ATXN2: variants seen among roughly 807,000 people sequenced by gnomAD.
The protein encoded by ATXN2 is ataxin-2.
Under a neutral mutation model 138.6 loss-of-function variants are expected in ATXN2, and 37 were observed. The ratio of observed to expected loss-of-function variants is 0.27; its 90% CI spans 0.21 to 0.35. ATXN2 has a LOEUF of 0.35. Ranked by LOEUF, ATXN2 falls within the 10% of genes least tolerant of loss-of-function variation. The probability of loss-of-function intolerance (pLI) is 1.00; values close to 1 mark genes in which losing one functional copy is unlikely to be tolerated. For synonymous variants in ATXN2, 549 were observed against 543.7 expected (o/e 1.01, Z -0.13); for missense variants, 1,216 against 1,480.3 (o/e 0.82, Z 2.93).
At chr12:111,581,621 G>A (rs1194805681) in intron 1 of ATXN2, 23 of 782,382 alleles carry the variant, frequency 2.9e-5, no homozygotes, top group Non-Finnish European at 4.2e-5. Flanking sequence ...GGCCTACTCC[G>A]TGAAGTCTAG....
At chr12:111,509,492 A>G (rs887811947) in intron 14 of ATXN2, 57 bp downstream of exon 14, 1 of 972,606 alleles carries the variant, frequency 1.0e-6, no homozygotes, top group Admixed American at 2.3e-5. Context: ...AAATAGATAA[A>G]TCTTTAGTAA....
At position 111,577,714 on chromosome 12, in the gene ATXN2, T is replaced by G. The variant is rs530362029; in HGVS notation, c.251+21070A>C. Among the ~76,000 whole-genome samples, 4 of 152,230 alleles carry G rather than the reference T, an allele frequency of 2.6e-5. No homozygotes were observed. The East Asian group carries it at 7.7e-4, about 29-fold the overall frequency. ...GGGAGGTCAAGGTGGGCAGATCACT[T>G]GAGGTCAGAGGTTAAAAGTCTTAAC... On this transcript the variant is annotated intron_variant, in intron 1 of 24. Coordinates refer to ENST00000673436, the MANE Select transcript of ATXN2 (RefSeq NM_001372574.1).
intron 12 of ATXN2, among the ~76,000 whole-genome samples, 188 bp from the exon 13 acceptor site, chr12:111,510,186 G>T (rs1342655931): frequency 3.3e-5 from 5 of 152,068 alleles, no homozygotes; most frequent in Non-Finnish European, 7.4e-5. Context: ...TGACACCCAG[G>T]AATGTTAACC....
At chr12:111,498,536 T>G (rs535813902) in intron 14 of ATXN2, among the ~76,000 whole-genome samples, 15 of 152,260 alleles carry the variant, frequency 9.9e-5, no homozygotes, top group Admixed American at 3.9e-4. Flanking sequence ...ATTTCTATAA[T>G]GACAACTTTA....
chr12:111,571,662 G>A (rs1320619118), intron 1 of ATXN2, among the ~76,000 whole-genome samples: 1 of 152,052 alleles, frequency 6.6e-6, no homozygotes, highest in Non-Finnish European at 1.5e-5. Flanking sequence ...TCTATTAGGG[G>A]TCAGCAAATG....
rs1446307939 is a variant in ATXN2 at position 111,464,329 on chromosome 12, G to GTGTGTT, written c.2896+327_2896+332dup. Among the ~76,000 whole-genome samples, 939 of 120,578 alleles carry GTGTGTT rather than the reference G, an allele frequency of 7.8e-3. 11 individuals are homozygous for GTGTGTT. The highest frequency in any genetic ancestry group is 0.056 in the African/African-American group (899 of 15,954). 79.1% of individuals were successfully genotyped at this position (120,578 alleles called of 152,430 possible). On this transcript the variant is annotated intron_variant, in intron 21 of 24. Coordinates refer to ENST00000673436, the MANE Select transcript of ATXN2 (RefSeq NM_001372574.1). Reference sequence around the variant, plus strand: ...TATACCAAGCTTGTGGCTTGGGTGTGTGTGTTTGTGTGTGTGTGTGTGTGT... The same window carrying GTGTGTT: ...TATACCAAGCTTGTGGCTTGGGTGTGTGTGTTTGTGTTTGTGTGTGTGTGTGTGTGT...
chr12:111,577,017 C>T (rs1264284892), intron 1 of ATXN2, among the ~76,000 whole-genome samples: 3 of 151,432 alleles, frequency 2.0e-5, no homozygotes, highest in African/African-American at 4.8e-5. Context: ...ACGTTGGCCA[C>T]GCTGGTCTCG....
chr12:111,455,607 C>T, intron 23 of ATXN2: 2 of 300,324 alleles, frequency 6.7e-6, no homozygotes, highest in East Asian at 7.9e-5. Flanking sequence ...ATCAAGTTGA[C>T]AGGCCCCGGT....
At position 111,488,679 on chromosome 12, in the gene ATXN2, A is replaced by G; in HGVS notation, c.2037T>C (p.Ser679=). The part of the protein sequence containing the change: ...RDLIKDKIEP[S]AKDSFIENSS... ...TATTTTCAATGAAAGAATCCTTAGC[A>G]CTTGGTTCAATTTTGTCTTTGATCA... Residue 679 remains serine (S), a synonymous_variant, in exon 15 of 25, where the codon AGT becomes AGC. Coordinates refer to ENST00000673436, the MANE Select transcript of ATXN2 (RefSeq NM_001372574.1). The G allele has an allele frequency of 6.2e-7, 1 of 1,613,668 alleles. No individual in the cohort carries two copies.
At chr12:111,584,675 C>T (rs1467164993) in intron 1 of ATXN2, among the ~76,000 whole-genome samples, 1 of 151,834 alleles carries the variant, frequency 6.6e-6, no homozygotes, top group Non-Finnish European at 1.5e-5. Context: ...ACTAAAAATA[C>T]AAAAATTAGG....
intron 14 of ATXN2, among the ~76,000 whole-genome samples, chr12:111,503,999 G>A (rs2135720496): frequency 6.6e-6 from 1 of 152,280 alleles, no homozygotes; most frequent in East Asian, 1.9e-4. Context: ...GCACCTAAAA[G>A]TAGTAAGACT....
At chr12:111,575,926 A>C (rs1883613146) in intron 1 of ATXN2, among the ~76,000 whole-genome samples, 1 of 152,028 alleles carries the variant, frequency 6.6e-6, no homozygotes, top group Non-Finnish European at 1.5e-5. Flanking sequence ...TACTAAAAAT[A>C]CAAAAATTAG....
Position 111,552,529 on chromosome 12 carries a change from G to T in ATXN2, c.421-99C>A. On this transcript the variant is annotated intron_variant, in intron 4 of 24. Transcript: ENST00000673436. This position sits in a 1 kb window ranked among gnomAD's most constrained non-coding sequence, Gnocchi z 4.1. The stretch of plus-strand genomic sequence containing the variant: ...AAGGTACCAGTTCTTATATGCCTTT[G>T]ACAAAAATAATCTCAAGAGAATCAT... 8.3e-7 allele frequency: 1 copy of T among 1,208,152 alleles called. No homozygotes were observed. The highest frequency in any genetic ancestry group is 1.1e-6 in the Non-Finnish European group (1 of 884,482). 74.8% of individuals were successfully genotyped at this position (1,208,152 alleles called of 1,614,324 possible). A position where few individuals can be genotyped will look rare whatever the true frequency, so the allele number is the denominator to read the frequency against.
chr12:111,491,513 G>A (rs562222921), intron 14 of ATXN2, among the ~76,000 whole-genome samples: 1 of 152,198 alleles, frequency 6.6e-6, no homozygotes, highest in South Asian at 2.1e-4. Context: ...GGGAGGAGAG[G>A]GAAGAGTAGG....
In ATXN2 at chr12:111,598,494, C is replaced by G. The variant is rs1046505330; in HGVS notation, c.251+290G>C. Reference sequence around the variant, plus strand: ...CTGACCATCGCCGCTACCCGAGAACCCCTCCCAACACGCGTGGGGAGGGGA... The same window carrying G: ...CTGACCATCGCCGCTACCCGAGAACGCCTCCCAACACGCGTGGGGAGGGGA... On this transcript the variant is annotated intron_variant, in intron 1 of 24. Transcript: ENST00000673436. This position sits in a 1 kb window ranked among gnomAD's most constrained non-coding sequence, Gnocchi z 4.5. 5 of 984,918 alleles carry G rather than the reference C, an allele frequency of 5.1e-6. No homozygotes were observed. Among genetic ancestry groups the G allele is most frequent in the African/African-American group, 1.7e-5 (1 of 57,180 alleles). The allele number at this position is 984,918 out of a possible 1,614,324, so 61.0% of individuals were successfully genotyped here. A position where few individuals can be genotyped will look rare whatever the true frequency, so the allele number is the denominator to read the frequency against.
chr12:111,506,192 G>C lies in ATXN2; in HGVS notation c.1935+3357C>G, dbSNP rs2135723207. On this transcript the variant is annotated intron_variant, in intron 14 of 24. Coordinates refer to ENST00000673436, the MANE Select transcript of ATXN2 (RefSeq NM_001372574.1). ...GTAGATTAACGGTTGCTTAGGGTTGGGAGTAGGGGAAAGAGAAGGGCTGGA... is the reference window on the plus strand; with the variant it reads ...GTAGATTAACGGTTGCTTAGGGTTGCGAGTAGGGGAAAGAGAAGGGCTGGA... Among the ~76,000 whole-genome samples, 2 of 152,274 alleles carry C rather than the reference G, an allele frequency of 1.3e-5. 1 individual carries two copies. Among genetic ancestry groups the C allele is most frequent in the South Asian group, 4.1e-4 (2 of 4,832 alleles).
At chr12:111,527,313 A>T (rs1880556408) in intron 5 of ATXN2, among the ~76,000 whole-genome samples, 1 of 152,204 alleles carries the variant, frequency 6.6e-6, no homozygotes, top group Non-Finnish European at 1.5e-5. Flanking sequence ...CCAGTACTGT[A>T]AGTTGCCACT....
At chr12:111,481,085 G>T (rs895858025) in intron 18 of ATXN2, among the ~76,000 whole-genome samples, 1 of 152,130 alleles carries the variant, frequency 6.6e-6, no homozygotes, top group Non-Finnish European at 1.5e-5. Context: ...TGAGGCAGGC[G>T]GATCATTTGA....
intron 5 of ATXN2, among the ~76,000 whole-genome samples, chr12:111,541,405 G>A (rs1408573548): frequency 2.2e-5 from 3 of 134,374 alleles, no homozygotes; most frequent in South Asian, 4.6e-4. Flanking sequence ...AGGCTGGAGT[G>A]CAATGGCGCG....
Sources: gnomAD v4.1 joint callset for allele counts (sites outside exome capture counted in the v4.1 genomes callset) on GRCh38, gnomAD v4.1.1 for gene constraint, Gnocchi (gnomAD v3.1) non-coding constraint, MANE v1.5 for transcripts, NCBI Gene and HGNC (gene_info 2026-07-23, HGNC 2026-07-21) for gene names.